The following VPS8 variants were observed in gnomAD, a reference collection of about 807,000 sequenced individuals.
VPS8 encodes vacuolar protein sorting-associated protein 8 homolog.
In VPS8, 129 loss-of-function variants were observed where a neutral mutation model predicts 216.4. The ratio of observed to expected loss-of-function variants is 0.60; its 90% CI spans 0.52 to 0.69. The LOEUF is 0.69. Among genes scored for constraint, VPS8 ranks in the 30% least tolerant of loss-of-function variants. The pLI is 0.00. For synonymous variants in VPS8, 571 were observed against 565.4 expected, an observed-to-expected ratio of 1.01 and a Z score of -0.14; for missense variants, 1,531 against 1,683.5, an observed-to-expected ratio of 0.91 and a Z score of 1.59.
intron 47 of VPS8, 128 bp from the exon 48 acceptor site, chr3:185,051,748 T>G: frequency 8.4e-7 from 1 of 1,194,526 alleles, no homozygotes. Context: ...GACCTAAGAT[T>G]CAAACCCTGC....
chr3:185,029,291 G>C (rs147971327), intron 46 of VPS8, among the ~76,000 whole-genome samples: 1 of 152,186 alleles, frequency 6.6e-6, no homozygotes, highest in Non-Finnish European at 1.5e-5. Context: ...AGTGACATGT[G>C]TAGGAAACAC....
chr3:184,824,666 C>A lies in VPS8; in HGVS notation c.34C>A (p.Gln12Lys). The A allele has an allele frequency of 6.2e-7, 1 of 1,613,904 alleles. No homozygotes were observed. Among genetic ancestry groups the A allele is most frequent in the Non-Finnish European group, 8.5e-7 (1 of 1,179,870 alleles). The part of the protein sequence containing the change: ...ENEPDHENVE[Q>K]SLCAKTSEEE... ...TGAACCAGACCATGAAAATGTGGAA[C>A]AGAGCCTCTGTGCCAAGACGAGCGA... is the stretch of plus-strand genomic sequence containing the variant. Residue 12 changes from glutamine to lysine, a missense_variant, in exon 2 of 48, where the codon CAG becomes AAG. Physicochemically the swap from Gln to Lys is moderately conservative, Grantham distance 53. Coordinates refer to ENST00000625842, the MANE Select transcript of VPS8 (RefSeq NM_001009921.3).
intron 2 of VPS8, 120 bp downstream of exon 2, chr3:184,824,905 ATT>A (rs71298576): frequency 0.028 from 18,799 of 661,598 alleles, no homozygotes; most frequent in Middle Eastern, 0.038. Flanking sequence ...TCTGTGTATA[ATT>A]TTTTTTTTTT....
chr3:184,848,961 C>G, intron 8 of VPS8, 110 bp from the exon 9 acceptor site: 3 of 1,160,564 alleles, frequency 2.6e-6, no homozygotes, highest in Non-Finnish European at 3.7e-6. Context: ...ACTTCATTAT[C>G]TGCTGCTTTT....
intron 43 of VPS8, among the ~76,000 whole-genome samples, chr3:184,994,457 C>T (rs1167510604): frequency 1.3e-5 from 2 of 150,144 alleles, no homozygotes; most frequent in East Asian, 2.0e-4. Flanking sequence ...TGCCACTGCA[C>T]TCTCCAGGTG....
intron 5 of VPS8, among the ~76,000 whole-genome samples, chr3:184,836,998 T>A (rs1721215933): frequency 6.6e-6 from 1 of 152,190 alleles, no homozygotes. Flanking sequence ...CTTAGTGTAG[T>A]GTTTTTTTTC....
chr3:184,959,305 A>C (rs1278811078), intron 37 of VPS8, among the ~76,000 whole-genome samples: 1 of 152,136 alleles, frequency 6.6e-6, no homozygotes, highest in Non-Finnish European at 1.5e-5. Context: ...AAAAATAATG[A>C]CATCCCAGTC....
chr3:184,847,979 C>T (rs1314957258), intron 8 of VPS8, among the ~76,000 whole-genome samples: 1 of 152,124 alleles, frequency 6.6e-6, no homozygotes, highest in South Asian at 2.1e-4. Flanking sequence ...GTGGCATGAT[C>T]TCAGTTCACT....
In VPS8 at chr3:184,928,378, T is replaced by C; in HGVS notation, c.2632-73T>C. ...AAGAAAAAAATTAAATGTTATAGTCTGCATGGCTGAATGCACTCTTAAAGA... is the reference window on the plus strand; with the variant it reads ...AAGAAAAAAATTAAATGTTATAGTCCGCATGGCTGAATGCACTCTTAAAGA... On this transcript the variant is annotated intron_variant, in intron 31 of 47. Coordinates refer to ENST00000625842, the MANE Select transcript of VPS8 (RefSeq NM_001009921.3). 3.0e-6 allele frequency: 4 copies of C among 1,341,666 alleles called. No individual in the cohort carries two copies. The South Asian group carries it at 6.0e-5, about 20-fold the overall frequency. 83.1% of individuals were successfully genotyped at this position (1,341,666 alleles called of 1,614,324 possible).
intron 43 of VPS8, 58 bp from the exon 44 acceptor site, chr3:184,996,274 C>T: frequency 6.6e-7 from 1 of 1,509,770 alleles, no homozygotes; most frequent in Non-Finnish European, 8.9e-7. Flanking sequence ...TTCATCTCCT[C>T]TATCTCTTTC....
At chr3:184,912,816 C>CA (rs1292572677) in intron 25 of VPS8, among the ~76,000 whole-genome samples, 1 of 152,068 alleles carries the variant, frequency 6.6e-6, no homozygotes, top group Non-Finnish European at 1.5e-5. Context: ...TTCATATTAC[C>CA]AAAAATAGAA....
intron 28 of VPS8, among the ~76,000 whole-genome samples, chr3:184,917,233 A>C (rs745376162): frequency 6.6e-6 from 1 of 152,196 alleles, no homozygotes; most frequent in Non-Finnish European, 1.5e-5. Context: ...GGCTGAATAT[A>C]TAGAAAGGCC....
At chr3:184,837,859 T>G (rs371624704) in intron 5 of VPS8, among the ~76,000 whole-genome samples, 1 of 152,224 alleles carries the variant, frequency 6.6e-6, no homozygotes, top group Non-Finnish European at 1.5e-5. Flanking sequence ...TCAGTTAAAC[T>G]CTTGGAAATG....
chr3:184,816,946 C>T lies in VPS8; in HGVS notation c.-89+4721C>T, dbSNP rs556641978. Among the ~76,000 whole-genome samples the T allele has an allele frequency of 2.0e-5, 3 of 152,164 alleles. No homozygotes were observed. In the South Asian group the frequency reaches 6.2e-4, roughly 32 times the overall value. ...TATGAATCATTTCTTTCTCTCCTTC[C>T]CGTTGCTGAAGATAATAGATGAAAT... On this transcript the variant is annotated intron_variant, in intron 1 of 47. Transcript: ENST00000625842.
chr3:184,843,852 A>G (rs1320869172), intron 8 of VPS8, among the ~76,000 whole-genome samples: 1 of 152,218 alleles, frequency 6.6e-6, no homozygotes, highest in African/African-American at 2.4e-5. Context: ...TTTAAAGTAC[A>G]GTAACATTAC....
At chr3:184,921,462 A>G (rs1451250730) in intron 29 of VPS8, among the ~76,000 whole-genome samples, 1 of 152,250 alleles carries the variant, frequency 6.6e-6, no homozygotes, top group Non-Finnish European at 1.5e-5. Flanking sequence ...ACTGTGTAAT[A>G]CAATTCTGCT....
At chr3:184,931,405 A>C (rs945618749) in intron 34 of VPS8, among the ~76,000 whole-genome samples, 1 of 152,154 alleles carries the variant, frequency 6.6e-6, no homozygotes, top group Non-Finnish European at 1.5e-5. Flanking sequence ...AGTTGCTCTC[A>C]TTCTTCTTAT....
intron 36 of VPS8, among the ~76,000 whole-genome samples, chr3:184,952,674 T>A (rs574708673): frequency 7.2e-5 from 11 of 152,320 alleles, no homozygotes; most frequent in Admixed American, 3.3e-4. Flanking sequence ...CTTCACGCCT[T>A]TTTGTGGGAC....
intron 44 of VPS8, 116 bp downstream of exon 44, chr3:184,996,617 T>A: frequency 8.2e-7 from 1 of 1,220,832 alleles, no homozygotes; most frequent in African/African-American, 1.5e-5. Context: ...GATAGGCAAG[T>A]TCCTGCCCTC....
Sources: gnomAD v4.1 joint callset for allele counts (sites outside exome capture counted in the v4.1 genomes callset) on GRCh38, gnomAD v4.1.1 for gene constraint, MANE v1.5 for transcripts, NCBI Gene and HGNC (gene_info 2026-07-23, HGNC 2026-07-21) for gene names.